The following UNC13B variants were observed in gnomAD, a reference collection of about 807,000 sequenced individuals.
The protein encoded by UNC13B is protein unc-13 homolog B.
Under a neutral mutation model 211.0 loss-of-function variants are expected in UNC13B, and 144 were observed. The ratio of observed to expected loss-of-function variants is 0.68; its 90% confidence interval spans 0.60 to 0.78. The LOEUF is 0.78. UNC13B is among the 30% of genes least tolerant of loss of function. The probability of loss-of-function intolerance (pLI) is 0.00; values close to 1 mark genes in which losing one functional copy is unlikely to be tolerated. For missense variants in UNC13B, 1,777 were observed against 2,002.0 expected, an observed-to-expected ratio of 0.89 and a Z score of 2.14; for synonymous variants, 709 against 725.8, an observed-to-expected ratio of 0.98 and a Z score of 0.37.
At chr9:35,352,500 A>C in intron 11 of UNC13B, 1 of 1,232,110 alleles carries the variant, frequency 8.1e-7, no homozygotes, top group Non-Finnish European at 1.0e-6. Flanking sequence ...TTTCAACAAC[A>C]ACATCAGGAT....
chr9:35,199,534 T>G (rs949095830), intron 1 of UNC13B, among the ~76,000 whole-genome samples: 5 of 152,182 alleles, frequency 3.3e-5, no homozygotes, highest in Non-Finnish European at 5.9e-5. Context: ...TGATTGCCAT[T>G]CTAACTGGTG....
At chr9:35,297,229 C>T (rs1308665256) in intron 8 of UNC13B, among the ~76,000 whole-genome samples, 1 of 151,666 alleles carries the variant, frequency 6.6e-6, no homozygotes, top group African/African-American at 2.4e-5. Context: ...GCTGAGACTA[C>T]AGGTGCACGC....
At chr9:35,295,178 G>A (rs1829289959) in intron 7 of UNC13B, among the ~76,000 whole-genome samples, 1 of 152,124 alleles carries the variant, frequency 6.6e-6, no homozygotes, top group African/African-American at 2.4e-5. Flanking sequence ...CTGATTTCCA[G>A]GACCAGCTTC....
At chr9:35,365,514 T>C (rs1833716187) in intron 11 of UNC13B, among the ~76,000 whole-genome samples, 1 of 152,182 alleles carries the variant, frequency 6.6e-6, no homozygotes, top group South Asian at 2.1e-4. Flanking sequence ...ACCTGCTGAG[T>C]ACGGTGGCTA....
intron 7 of UNC13B, among the ~76,000 whole-genome samples, chr9:35,277,535 A>G (rs1828246583): frequency 6.6e-6 from 1 of 152,154 alleles, no homozygotes; most frequent in Admixed American, 6.5e-5. Context: ...TACAGAAAAG[A>G]AATCCAGAGC....
chr9:35,331,990 C>CG (rs1564141656), intron 11 of UNC13B, among the ~76,000 whole-genome samples: 1 of 144,996 alleles, frequency 6.9e-6, no homozygotes, highest in Non-Finnish European at 1.5e-5. Flanking sequence ...TCCAACTAGC[C>CG]TTTTTTTTTT....
chr9:35,271,264 A>G (rs1001926829), intron 7 of UNC13B, among the ~76,000 whole-genome samples: 8 of 151,820 alleles, frequency 5.3e-5, no homozygotes, highest in Non-Finnish European at 1.2e-4. Context: ...ATTAGATTTT[A>G]TATATTCACA....
At chr9:35,172,638 C>A (rs1278682614) in intron 1 of UNC13B, among the ~76,000 whole-genome samples, 1 of 152,132 alleles carries the variant, frequency 6.6e-6, no homozygotes, top group East Asian at 1.9e-4. Context: ...TTATAAAGTA[C>A]ATTAAAAAAT....
At chr9:35,206,896 A>G (rs1823685186) in intron 1 of UNC13B, among the ~76,000 whole-genome samples, 1 of 150,690 alleles carries the variant, frequency 6.6e-6, no homozygotes, top group African/African-American at 2.4e-5. Context: ...AAAAACACAC[A>G]CACAAAAACT....
At chr9:35,282,417 A>AT (rs1438042917) in intron 7 of UNC13B, among the ~76,000 whole-genome samples, 3 of 151,324 alleles carry the variant, frequency 2.0e-5, no homozygotes, top group Admixed American at 6.6e-5. Flanking sequence ...ATGTCTTACA[A>AT]TTTTTTTTGT....
rs1564182519 is a variant in UNC13B, at chr9:35,380,563, G to T, written c.10299G>T (p.Glu3433Asp). The T allele has an allele frequency of 6.2e-7, 1 of 1,614,208 alleles. No homozygotes were observed. ...KSRVKQRLKR[E>D]SDDFLGQTII... ...GAGTAAAGCAACGCCTAAAGCGAGA[G>T]TCTGATGATTTCCTTGGCCAAACCA... is the stretch of plus-strand genomic sequence containing the variant. Residue 3433 changes from glutamate to aspartate, a missense_variant, in exon 18 of 40, where the codon GAG (glutamate) becomes GAT (aspartate). Coordinates refer to ENST00000635942, the MANE Select transcript of UNC13B (RefSeq NM_001371189.2).
At chr9:35,279,612 A>G (rs1322177105) in intron 7 of UNC13B, among the ~76,000 whole-genome samples, 3 of 152,202 alleles carry the variant, frequency 2.0e-5, no homozygotes, top group Admixed American at 6.5e-5. Context: ...TGCAGTTACA[A>G]TACTGAAATT....
At chr9:35,251,797 A>G (rs111348916) in intron 6 of UNC13B, among the ~76,000 whole-genome samples, 2 of 152,166 alleles carry the variant, frequency 1.3e-5, no homozygotes, top group African/African-American at 2.4e-5. Context: ...TTTCATTTCA[A>G]GAGCCAGATA....
intron 1 of UNC13B, among the ~76,000 whole-genome samples, chr9:35,199,109 C>T (rs549549868): frequency 1.3e-5 from 2 of 152,174 alleles, no homozygotes; most frequent in African/African-American, 4.8e-5. Context: ...TTTCTGTCCT[C>T]GGGATAGTTT....
chr9:35,234,516 G>T (rs920170224), intron 3 of UNC13B, among the ~76,000 whole-genome samples: 3 of 152,210 alleles, frequency 2.0e-5, no homozygotes. Context: ...TAATTAGGCT[G>T]AATTAAATTA....
In UNC13B at chr9:35,381,573, CACAG is replaced by C; in HGVS notation, c.10513_10516del (p.Asp3505PhefsTer46). Reference sequence around the variant, plus strand: ...TCCTGCAGAATCTTTTCCATTACCTCACAGACATTCAGGGCAGTGGAGGAGTCCG... The same window carrying C: ...TCCTGCAGAATCTTTTCCATTACCTCACATTCAGGGCAGTGGAGGAGTCCG... On this transcript the variant is annotated frameshift_variant, in exon 20 of 40. Coordinates refer to ENST00000635942, the MANE Select transcript of UNC13B (RefSeq NM_001371189.2). LOFTEE classifies it high-confidence loss of function. 6.2e-7 allele frequency: 1 copy of C among 1,613,922 alleles called. No homozygotes were observed. The highest frequency in any genetic ancestry group is 8.5e-7 in the Non-Finnish European group (1 of 1,179,838).
intron 1 of UNC13B, among the ~76,000 whole-genome samples, chr9:35,211,740 A>G (rs1823978055): frequency 6.6e-6 from 1 of 152,208 alleles, no homozygotes. Context: ...CCTCATCATT[A>G]CGGCTTATCA....
At chr9:35,341,355 G>A (rs1831981377) in intron 11 of UNC13B, among the ~76,000 whole-genome samples, 1 of 152,186 alleles carries the variant, frequency 6.6e-6, no homozygotes, top group Non-Finnish European at 1.5e-5. Context: ...ACATGGCACT[G>A]TTTGATTTTA....
Position 35,303,975 on chromosome 9 carries a change from C to G in UNC13B, c.4571C>G (p.Ser1524Ter), listed in dbSNP as rs1242844085. 5.0e-6 allele frequency: 2 copies of G among 398,556 alleles called. No homozygotes were observed. The highest frequency in any genetic ancestry group is 3.6e-5 in the East Asian group (1 of 28,076). The allele number at this position is 398,556 out of a possible 1,614,324, so 24.7% of individuals were successfully genotyped here. Residue 1524 changes from serine to a stop codon, truncating the protein, a stop_gained, in exon 9 of 40, where the codon TCA becomes TGA. Coordinates refer to ENST00000635942, the MANE Select transcript of UNC13B (RefSeq NM_001371189.2). LOFTEE classifies it high-confidence loss of function. Reference protein sequence around the residue: ...SCLEHGVWWPSEDGDYGYYMF... With the variant: ...SCLEHGVWWP ...CTTGAACATGGAGTGTGGTGGCCAT[C>G]AGAGGATGGGGATTATGGATATTAT...
Sources: allele counts gnomAD v4.1 joint callset (sites outside exome capture counted in the v4.1 genomes callset), GRCh38; gene constraint gnomAD v4.1.1; transcripts MANE v1.5; gene names NCBI Gene and HGNC (gene_info 2026-07-23, HGNC 2026-07-21).